Variants in TOM1L2 observed in about 807,000 individuals in gnomAD.
TOM1L2 encodes the protein target of myb1 like 2 membrane trafficking protein.
Under a neutral mutation model 67.9 loss-of-function variants are expected in TOM1L2, and 31 were observed. That is an observed-to-expected ratio of 0.46 (90% CI 0.34 to 0.62). The LOEUF is 0.62. Ranked by LOEUF, TOM1L2 falls within the 20% of genes least tolerant of loss-of-function variation. The pLI is 0.01. For missense variants in TOM1L2, 606 were observed against 663.5 expected (o/e 0.91, Z 0.95); for synonymous variants, 256 against 254.0 (o/e 1.01, Z -0.07).
At chr17:17,863,923 G>A (rs1192555921) in intron 10 of TOM1L2, among the ~76,000 whole-genome samples, 1 of 152,132 alleles carries the variant, frequency 6.6e-6, no homozygotes, top group African/African-American at 2.4e-5. Flanking sequence ...CTGGAGTGCA[G>A]TGGCATGATC....
chr17:17,923,864 G>A (rs112547253), intron 1 of TOM1L2, among the ~76,000 whole-genome samples: 5,975 of 152,026 alleles, frequency 0.039, 414 homozygotes, highest in African/African-American at 0.14. Context: ...AAGGCCGGGC[G>A]CGGTGGCTGT....
rs201221655 is a variant in TOM1L2, at chr17:17,972,359, T to C, written c.-46A>G. 2,792 of 1,547,872 alleles carry C rather than the reference T, an allele frequency of 1.8e-3. 5 individuals carry two copies. Among genetic ancestry groups the C allele is most frequent in the Non-Finnish European group, 2.1e-3 (2,421 of 1,146,260 alleles). ...CGGCCCGGGCCCCCTGTCTGCCACCTAGGCCTCCGCTGTAACCCGCCGGAC... is the reference window on the plus strand; with the variant it reads ...CGGCCCGGGCCCCCTGTCTGCCACCCAGGCCTCCGCTGTAACCCGCCGGAC... On this transcript the variant is annotated 5_prime_UTR_variant, in exon 1 of 15. Transcript: ENST00000379504.
intron 13 of TOM1L2, among the ~76,000 whole-genome samples, chr17:17,850,202 C>T (rs1046482636): frequency 4.6e-5 from 7 of 152,208 alleles, no homozygotes; most frequent in Non-Finnish European, 8.8e-5. Context: ...CTTCTTCATC[C>T]GCCACCCTGG....
chr17:17,896,404 C>T (rs2038572824), intron 3 of TOM1L2, among the ~76,000 whole-genome samples: 1 of 152,148 alleles, frequency 6.6e-6, no homozygotes, highest in African/African-American at 2.4e-5. Context: ...ACTCCACTCT[C>T]AGAGCAACAG....
In TOM1L2 at chr17:17,893,667, C is replaced by A. The variant is rs1177132903; in HGVS notation, c.360G>T (p.Leu120=). Residue 120 remains leucine (L), a synonymous_variant, in exon 4 of 15, where the codon CTG becomes CTT. Transcript: ENST00000379504. ...PTIVQDKVLA[L]IQAWADAFRS... ...GGCAAGGGGTCCAACCTACCTGGAT[C>A]AGAGCAAGCACTTTGTCCTGTACAA... 6.2e-7 allele frequency: 1 copy of A among 1,613,716 alleles called. No homozygotes were observed. Among genetic ancestry groups the A allele is most frequent in the South Asian group, 1.1e-5 (1 of 90,990 alleles).
chr17:17,869,751 A>G, intron 7 of TOM1L2: 1 of 1,063,888 alleles, frequency 9.4e-7, no homozygotes, highest in Non-Finnish European at 1.2e-6. Flanking sequence ...AAAATATTAA[A>G]ATGTGATTCT....
chr17:17,872,128 G>T, intron 7 of TOM1L2: 1 of 815,374 alleles, frequency 1.2e-6, no homozygotes, highest in Non-Finnish European at 1.5e-6. Context: ...CACAATTACT[G>T]TACACAGGAA....
At chr17:17,924,337 G>T (rs908321983) in intron 1 of TOM1L2, among the ~76,000 whole-genome samples, 1 of 152,104 alleles carries the variant, frequency 6.6e-6, no homozygotes, top group Non-Finnish European at 1.5e-5. Flanking sequence ...GGTAATGGCT[G>T]AACAACGCTG....
At chr17:17,931,957 G>C (rs1253969728) in intron 1 of TOM1L2, among the ~76,000 whole-genome samples, 1 of 152,334 alleles carries the variant, frequency 6.6e-6, no homozygotes, top group South Asian at 2.1e-4. Context: ...AAGGGGAGCT[G>C]GTGTGTGTTT....
intron 8 of TOM1L2, among the ~76,000 whole-genome samples, chr17:17,867,756 C>A (rs1439838894): frequency 6.6e-5 from 10 of 152,202 alleles, no homozygotes; most frequent in Non-Finnish European, 4.4e-5. Flanking sequence ...GGGTCAGCAG[C>A]TGGTGACAAG....
rs952653597 is a variant in TOM1L2 at position 17,968,374 on chromosome 17, C to T, written c.52+3888G>A. ...CTAAAAGTTGAAGTCAGTTAAAGAA[C>T]GTAGTCTTTGGGCCGGGCGCAATGG... On this transcript the variant is annotated intron_variant, in intron 1 of 14. Transcript: ENST00000379504. Among the ~76,000 whole-genome samples, 6 of 152,192 alleles carry T rather than the reference C, an allele frequency of 3.9e-5. No homozygotes were observed. The East Asian group carries it at 9.7e-4, about 25-fold the overall frequency.
At chr17:17,934,509 C>T (rs1349911372) in intron 1 of TOM1L2, among the ~76,000 whole-genome samples, 1 of 152,134 alleles carries the variant, frequency 6.6e-6, no homozygotes, top group African/African-American at 2.4e-5. Flanking sequence ...AAGGCTAGCC[C>T]CTGATACGGT....
At chr17:17,917,601 A>G (rs1362891961) in intron 1 of TOM1L2, among the ~76,000 whole-genome samples, 4 of 151,512 alleles carry the variant, frequency 2.6e-5, no homozygotes, top group African/African-American at 9.7e-5. Context: ...GCCTGGCTTC[A>G]TTGCAATTTT....
At chr17:17,873,163 G>A (rs1192385454) in intron 7 of TOM1L2, among the ~76,000 whole-genome samples, 1 of 152,118 alleles carries the variant, frequency 6.6e-6, no homozygotes, top group African/African-American at 2.4e-5. Context: ...CATCCTTCAA[G>A]GCCTCAGGAT....
At chr17:17,964,200 C>T (rs1214061225) in intron 1 of TOM1L2, among the ~76,000 whole-genome samples, 2 of 152,140 alleles carry the variant, frequency 1.3e-5, no homozygotes, top group African/African-American at 2.4e-5. Context: ...CTCTTTTAAC[C>T]TCAACAAGCC....
chr17:17,906,328 C>T (rs1413394244), intron 2 of TOM1L2, among the ~76,000 whole-genome samples: 1 of 151,934 alleles, frequency 6.6e-6, no homozygotes, highest in Non-Finnish European at 1.5e-5. Context: ...AAGATTCAAC[C>T]GTGTTGCCCA....
At chr17:17,915,640 C>T (rs2039595467) in intron 1 of TOM1L2, among the ~76,000 whole-genome samples, 1 of 151,978 alleles carries the variant, frequency 6.6e-6, no homozygotes, top group Non-Finnish European at 1.5e-5. Flanking sequence ...CTCAGCCTCC[C>T]AAGTAGCTGG....
In TOM1L2 at chr17:17,938,019, T is replaced by C. The variant is rs375527754; in HGVS notation, c.53-30488A>G. Among the ~76,000 whole-genome samples, 47 of 152,302 alleles carry C rather than the reference T, an allele frequency of 3.1e-4. No individual in the cohort carries two copies. In the South Asian group the frequency reaches 8.9e-3, roughly 29 times the overall value. On this transcript the variant is annotated intron_variant, in intron 1 of 14. Coordinates refer to ENST00000379504, the MANE Select transcript of TOM1L2 (RefSeq NM_001082968.2). Reference sequence around the variant, plus strand: ...CAAAGGCTTGACTGGGATTTTGCCATACGGTGGCTCTGCTTTGGAGGGCTC... The same window carrying C: ...CAAAGGCTTGACTGGGATTTTGCCACACGGTGGCTCTGCTTTGGAGGGCTC...
At chr17:17,937,763 C>G (rs2040566778) in intron 1 of TOM1L2, among the ~76,000 whole-genome samples, 1 of 152,152 alleles carries the variant, frequency 6.6e-6, no homozygotes, top group Admixed American at 6.5e-5. Context: ...AGGTGAACAC[C>G]ACTCATGCAA....
Sources: allele counts gnomAD v4.1 joint callset (sites outside exome capture counted in the v4.1 genomes callset), GRCh38; gene constraint gnomAD v4.1.1; transcripts MANE v1.5; gene names NCBI Gene and HGNC (gene_info 2026-07-23, HGNC 2026-07-21).